The following MTBP variants were observed in gnomAD, a reference collection of about 807,000 sequenced individuals.
MTBP encodes mdm2-binding protein.
MTBP carries 101 observed loss-of-function variants against 117.0 expected under a neutral mutation model. That is an observed-to-expected ratio of 0.86 (90% confidence interval 0.73 to 1.02). The LOEUF is 1.02. Ranked by LOEUF, MTBP falls within the 50% of genes least tolerant of loss-of-function variation. The probability of loss-of-function intolerance (pLI) is 0.00; values close to 1 mark genes in which losing one functional copy is unlikely to be tolerated. For missense variants in MTBP, 970 were observed against 1,030.9 expected, an observed-to-expected ratio of 0.94 and a Z score of 0.81; for synonymous variants, 350 against 351.5, an observed-to-expected ratio of 1.00 and a Z score of 0.05.
At chr8:120,482,050 T>C (rs1467625673) in intron 11 of MTBP, among the ~76,000 whole-genome samples, 1 of 152,194 alleles carries the variant, frequency 6.6e-6, no homozygotes, top group African/African-American at 2.4e-5. Flanking sequence ...AGAATCACCT[T>C]GACAGTTATT....
chr8:120,505,196 G>T (rs527551709), intron 15 of MTBP, among the ~76,000 whole-genome samples: 1 of 152,092 alleles, frequency 6.6e-6, no homozygotes, highest in Admixed American at 6.6e-5. Flanking sequence ...CATAGGTTTA[G>T]TCCTGTTCCC....
chr8:120,500,882 C>A (rs1029702643), intron 14 of MTBP, among the ~76,000 whole-genome samples: 1 of 151,350 alleles, frequency 6.6e-6, no homozygotes, highest in Non-Finnish European at 1.5e-5. Flanking sequence ...CATGGTGAAC[C>A]CTTTTCTCTA....
chr8:120,516,959 T>C (rs1046509040), intron 18 of MTBP, among the ~76,000 whole-genome samples: 7 of 152,004 alleles, frequency 4.6e-5, no homozygotes, highest in African/African-American at 1.7e-4. Flanking sequence ...ACTTTATAAA[T>C]TCATGGTACT....
In MTBP at chr8:120,451,040, G is replaced by C; in HGVS notation, c.237G>C (p.Trp79Cys). ...SVGGIPGSKKWFFAVQAIYGF... is the reference protein window; with the variant it reads ...SVGGIPGSKKCFFAVQAIYGF... ...GAGGTATACCTGGTTCCAAGAAGTG[G>C]TTCTTTGCAGTGCAGGCAATATATG... Residue 79 changes from tryptophan to cysteine, a missense_variant, in exon 3 of 22, where the codon TGG becomes TGC. Physicochemically the swap from Trp to Cys is radical, Grantham distance 215. Transcript: ENST00000305949. 1 of 1,612,618 alleles carries C rather than the reference G, an allele frequency of 6.2e-7. No individual in the cohort carries two copies. The highest frequency in any genetic ancestry group is 8.5e-7 in the Non-Finnish European group (1 of 1,179,456).
rs771593198 is a variant in MTBP, at chr8:120,451,052, G to A, written c.249G>A (p.Val83=). 9.7e-5 allele frequency: 157 copies of A among 1,612,316 alleles called. No homozygotes were observed. The highest frequency in any genetic ancestry group is 1.3e-4 in the Non-Finnish European group (153 of 1,179,184). Residue 83 remains valine (V), a synonymous_variant, in exon 3 of 22, where the codon GTG becomes GTA. Transcript: ENST00000305949. The stretch of plus-strand genomic sequence containing the variant: ...GTTCCAAGAAGTGGTTCTTTGCAGT[G>A]CAGGCAATATATGGATTTTATCAGG... ...IPGSKKWFFA[V]QAIYGFYQFC... is the part of the protein sequence containing the mutation.
chr8:120,515,192 GTGT>G (rs897059252), intron 17 of MTBP, among the ~76,000 whole-genome samples: 14 of 152,114 alleles, frequency 9.2e-5, no homozygotes, highest in African/African-American at 3.4e-4. Context: ...GAAGCCATTT[GTGT>G]TTTTTTAATG....
chr8:120,456,372 C>T (rs1365636958), intron 6 of MTBP, among the ~76,000 whole-genome samples, 181 bp from the exon 7 acceptor site: 3 of 152,074 alleles, frequency 2.0e-5, no homozygotes, highest in East Asian at 1.9e-4. Context: ...GATGTTGGGA[C>T]TAAATGAACA....
chr8:120,499,211 T>C (rs1456843407), intron 14 of MTBP, among the ~76,000 whole-genome samples: 1 of 152,230 alleles, frequency 6.6e-6, no homozygotes, highest in African/African-American at 2.4e-5. Flanking sequence ...CTTTCTTTCC[T>C]TGGACATGTT....
At chr8:120,509,747 T>G (rs543147085) in intron 16 of MTBP, among the ~76,000 whole-genome samples, 187 bp from the exon 17 acceptor site, 2 of 152,248 alleles carry the variant, frequency 1.3e-5, no homozygotes, top group Non-Finnish European at 2.9e-5. Context: ...AAAATTTAAG[T>G]AATGAAAGCC....
chr8:120,516,494 CTGTT>C (rs909748500), intron 18 of MTBP, among the ~76,000 whole-genome samples: 8 of 152,094 alleles, frequency 5.3e-5, no homozygotes, highest in Non-Finnish European at 1.2e-4. Context: ...GTTGAAGAGA[CTGTT>C]TGGGGATGGG....
At position 120,454,798 on chromosome 8, in the gene MTBP, A is replaced by G. The variant is rs181210862; in HGVS notation, c.485-637A>G. Among the ~76,000 whole-genome samples the G allele has an allele frequency of 1.7e-3, 252 of 152,192 alleles. 1 individual carries two copies. The highest frequency in any genetic ancestry group is 9.0e-4 in the Non-Finnish European group (61 of 67,900). On this transcript the variant is annotated intron_variant, in intron 5 of 21. Transcript: ENST00000305949. The stretch of plus-strand genomic sequence containing the variant: ...GAAATATTACATAGTTGTTTTGGCA[A>G]ATTAGAATACTTTCATTATCAAATT...
At position 120,461,170 on chromosome 8, in the gene MTBP, T is replaced by A; in HGVS notation, c.892T>A (p.Tyr298Asn). The A allele has an allele frequency of 6.3e-7, 1 of 1,587,834 alleles. No homozygotes were observed. The highest frequency in any genetic ancestry group is 8.6e-7 in the Non-Finnish European group (1 of 1,157,744). Residue 298 changes from tyrosine (Y) to asparagine (N), a missense_variant, in exon 9 of 22, where the codon TAT becomes AAT. Tyr to Asn is a moderately radical substitution (Grantham distance 143). Transcript: ENST00000305949. ...TTAATTTCTTTTCTAGGTTTTCCAT[T>A]ATTATGGCCCTGCTTTAGAATTTGT... ...DKNILPKVFHYYGPALEFVQM... is the reference protein window; with the variant it reads ...DKNILPKVFHNYGPALEFVQM...
chr8:120,477,106 C>T (rs756104542), intron 11 of MTBP, among the ~76,000 whole-genome samples: 1 of 152,188 alleles, frequency 6.6e-6, no homozygotes, highest in Non-Finnish European at 1.5e-5. Flanking sequence ...CACACATCTA[C>T]AACCATCTGA....
At chr8:120,467,532 G>A (rs543177024) in intron 10 of MTBP, among the ~76,000 whole-genome samples, 1 of 152,180 alleles carries the variant, frequency 6.6e-6, no homozygotes, top group African/African-American at 2.4e-5. Flanking sequence ...CTTGAACCAG[G>A]GAGGCAGAGG....
intron 17 of MTBP, among the ~76,000 whole-genome samples, chr8:120,511,806 G>GA (rs775215605): frequency 2.4e-4 from 36 of 151,640 alleles, no homozygotes; most frequent in Non-Finnish European, 4.1e-4. Flanking sequence ...CCAGTTTTTA[G>GA]AAAAAAACAA....
intron 4 of MTBP, chr8:120,452,206 T>A (rs1813371676): frequency 6.6e-6 from 1 of 152,236 alleles, no homozygotes; most frequent in Non-Finnish European, 1.5e-5. Flanking sequence ...TAGTCTTTCA[T>A]AACATTTCAT....
intron 17 of MTBP, among the ~76,000 whole-genome samples, chr8:120,513,881 T>C (rs998435569): frequency 1.3e-5 from 2 of 151,914 alleles, no homozygotes; most frequent in Non-Finnish European, 2.9e-5. Flanking sequence ...TAATGAAATA[T>C]GTTTCTTAAG....
At position 120,459,359 on chromosome 8, in the gene MTBP, T is replaced by C; in HGVS notation, c.882+10T>C. On this transcript the variant is annotated intron_variant, in intron 8 of 21. Transcript: ENST00000305949. ...GAATATTTTGCCAAAGGTAATCGTG[T>C]TTAATTTTTTTGTGTGATCATTCAT... is the stretch of plus-strand genomic sequence containing the variant. 1 of 1,587,920 alleles carries C rather than the reference T, an allele frequency of 6.3e-7. No individual in the cohort carries two copies. Among genetic ancestry groups the C allele is most frequent in the Non-Finnish European group, 8.5e-7 (1 of 1,169,970 alleles).
At position 120,516,057 on chromosome 8, in the gene MTBP, T is replaced by G; in HGVS notation, c.2112T>G (p.Pro704=). The G allele has an allele frequency of 6.2e-7, 1 of 1,613,104 alleles. No homozygotes were observed. The highest frequency in any genetic ancestry group is 8.5e-7 in the Non-Finnish European group (1 of 1,179,258). ...TTCCAGTACCTACTGTGTTGAGCCC[T>G]CTTCCATCTCCTGTAGTTTCGTCAG... ...ESFPVPTVLS[P]LPSPVVSSDP... Residue 704 remains proline, a synonymous_variant, in exon 18 of 22, where the codon CCT becomes CCG. Transcript: ENST00000305949.
Sources: allele counts gnomAD v4.1 joint callset (sites outside exome capture counted in the v4.1 genomes callset), GRCh38; gene constraint gnomAD v4.1.1; transcripts MANE v1.5; gene names NCBI Gene and HGNC (gene_info 2026-07-23, HGNC 2026-07-21).